ITGA3: variants seen among roughly 807,000 people sequenced by gnomAD.
ITGA3 encodes the protein integrin subunit alpha 3.
Under a neutral mutation model 131.1 loss-of-function variants are expected in ITGA3, and 70 were observed. The observed-to-expected ratio is 0.53, with a 90% confidence interval of 0.44 to 0.65. ITGA3 has a LOEUF of 0.65. ITGA3 is among the 30% of genes least tolerant of loss of function. ITGA3 has a pLI of 0.00. For missense variants in ITGA3, 1,098 were observed against 1,388.6 expected (o/e 0.79, Z 3.33); for synonymous variants, 537 against 571.6 (o/e 0.94, Z 0.86).
At chr17:50,082,327 C>A (rs1446021809) in intron 23 of ITGA3, among the ~76,000 whole-genome samples, 1 of 152,012 alleles carries the variant, frequency 6.6e-6, no homozygotes, top group East Asian at 1.9e-4. Context: ...TACAGGCGCC[C>A]ACCACCACGC....
At chr17:50,068,335 A>G in intron 4 of ITGA3, 30 bp downstream of exon 4, 1 of 1,606,698 alleles carries the variant, frequency 6.2e-7, no homozygotes, top group South Asian at 1.1e-5. Flanking sequence ...GGGGGAAGAA[A>G]GGAAGAGCAG....
intron 9 of ITGA3, 44 bp downstream of exon 9, chr17:50,074,324 C>T: frequency 1.2e-6 from 2 of 1,609,148 alleles, no homozygotes; most frequent in Non-Finnish European, 1.7e-6. Flanking sequence ...TCTTCTTCAT[C>T]TTTGTCTGCA....
At chr17:50,086,171 G>T (rs200263235) in intron 23 of ITGA3, among the ~76,000 whole-genome samples, 23 of 110 alleles carry the variant, frequency 0.21, 10 homozygotes, top group Non-Finnish European at 0.5. Context: ...TATTATACAT[G>T]TATAATATAT....
chr17:50,059,195 G>A (rs2144253444), intron 1 of ITGA3, among the ~76,000 whole-genome samples: 1 of 152,292 alleles, frequency 6.6e-6, no homozygotes, highest in Non-Finnish European at 1.5e-5. Flanking sequence ...GGACCAAAGT[G>A]CTCTGGGCTT....
intron 5 of ITGA3, 70 bp from the exon 6 acceptor site, chr17:50,071,241 G>T: frequency 7.4e-7 from 1 of 1,346,174 alleles, no homozygotes. Flanking sequence ...AGGGAATAGG[G>T]AGATGGGTCC....
chr17:50,088,484 C>G (rs1909569127), intron 25 of ITGA3, 118 bp downstream of exon 25: 1 of 602,508 alleles, frequency 1.7e-6, no homozygotes, highest in African/African-American at 1.9e-5. Flanking sequence ...TCCCCACCAC[C>G]ACCCCAAAGA....
chr17:50,076,836 AGGTGCGACTAGAGGACG>A, intron 14 of ITGA3, 121 bp from the exon 15 acceptor site: 1 of 1,169,994 alleles, frequency 8.5e-7, no homozygotes, highest in Non-Finnish European at 1.2e-6. Context: ...TTTCTCCTCC[AGGTGCGACTAGAGGACG>A]GGGCCTGGCT....
At chr17:50,077,155 A>G in intron 15 of ITGA3, 34 bp downstream of exon 15, 3 of 1,511,980 alleles carry the variant, frequency 2.0e-6, no homozygotes, top group South Asian at 2.5e-5. Context: ...GAGCCCAAGC[A>G]GGGCTCCCCG....
chr17:50,071,270 G>C, intron 5 of ITGA3, 41 bp from the exon 6 acceptor site: 1 of 1,577,668 alleles, frequency 6.3e-7, no homozygotes, highest in Non-Finnish European at 8.7e-7. Context: ...AAGAGACGAA[G>C]TTGACTGGGA....
chr17:50,076,825 C>A, intron 14 of ITGA3, 144 bp downstream of exon 14: 1 of 1,166,966 alleles, frequency 8.6e-7, no homozygotes, highest in Non-Finnish European at 1.3e-6. Context: ...AGAAACGGGG[C>A]TTTCTCCTCC....
intron 24 of ITGA3, 138 bp from the exon 25 acceptor site, chr17:50,088,087 T>C (rs1036122164): frequency 1.3e-5 from 17 of 1,305,176 alleles, no homozygotes; most frequent in Non-Finnish European, 1.6e-5. Context: ...GAGCTCTGGC[T>C]TCTGACCACA....
At chr17:50,070,754 G>A in intron 4 of ITGA3, 90 bp from the exon 5 acceptor site, 1 of 721,560 alleles carries the variant, frequency 1.4e-6, no homozygotes, top group South Asian at 1.5e-5. Context: ...CTTGTTGGGT[G>A]GGGGTGGGGG....
At chr17:50,073,852 A>G in intron 7 of ITGA3, 64 bp from the exon 8 acceptor site, 1 of 1,200,396 alleles carries the variant, frequency 8.3e-7, no homozygotes, top group Non-Finnish European at 1.2e-6. Context: ...GCCTGGAGCA[A>G]AGAGTTAGGG....
At chr17:50,077,159 C>T in intron 15 of ITGA3, 38 bp downstream of exon 15, 1 of 1,504,192 alleles carries the variant, frequency 6.6e-7, no homozygotes, top group South Asian at 1.3e-5. Context: ...CCAAGCAGGG[C>T]TCCCCGCGTC....
intron 23 of ITGA3, among the ~76,000 whole-genome samples, chr17:50,083,938 T>C (rs1408839212): frequency 2.0e-5 from 3 of 151,258 alleles, no homozygotes; most frequent in Non-Finnish European, 4.4e-5. Flanking sequence ...TTGGGAAATA[T>C]TAAAAAAAAT....
intron 1 of ITGA3, among the ~76,000 whole-genome samples, chr17:50,061,964 C>T (rs964306893): frequency 6.8e-6 from 1 of 146,550 alleles, no homozygotes; most frequent in African/African-American, 2.5e-5. Context: ...CACTTGCACC[C>T]GGGAGGCGGA....
chr17:50,087,731 C>T lies in ITGA3; in HGVS notation c.2920-13C>T. 1.2e-6 allele frequency: 2 copies of T among 1,610,066 alleles called. No homozygotes were observed. Among genetic ancestry groups the T allele is most frequent in the African/African-American group, 1.3e-5 (1 of 74,962 alleles). The stretch of plus-strand genomic sequence containing the variant: ...GGCTGACACAGGGCTGAGTCCTCCT[C>T]TCCCCGCTCCAGTTCTCTGTGGACA... On this transcript the variant is annotated splice_polypyrimidine_tract_variant and intron_variant, in intron 23 of 25. Coordinates refer to ENST00000320031, the MANE Select transcript of ITGA3 (RefSeq NM_002204.4).
intron 1 of ITGA3, among the ~76,000 whole-genome samples, chr17:50,060,771 C>T (rs1380973505): frequency 6.6e-6 from 1 of 152,184 alleles, no homozygotes; most frequent in African/African-American, 2.4e-5. Context: ...CACCTACTCT[C>T]CCTCCTTCTG....
chr17:50,079,376 G>T (rs1909076390), intron 20 of ITGA3, 59 bp from the exon 21 acceptor site: 2 of 1,550,662 alleles, frequency 1.3e-6, no homozygotes, highest in East Asian at 4.5e-5. Flanking sequence ...TTCCTTTCCT[G>T]CAACCCTGCT....
Sources: allele counts gnomAD v4.1 joint callset (sites outside exome capture counted in the v4.1 genomes callset), GRCh38; gene constraint gnomAD v4.1.1; transcripts MANE v1.5; gene names NCBI Gene and HGNC (gene_info 2026-07-23, HGNC 2026-07-21).